Variants in PIK3C2G observed in about 807,000 individuals in gnomAD.
The protein encoded by PIK3C2G is phosphatidylinositol 3-kinase C2 domain-containing subunit gamma.
A neutral mutation model predicts 181.1 loss-of-function variants in PIK3C2G; 168 were observed. The ratio of observed to expected loss-of-function variants is 0.93; its 90% confidence interval spans 0.82 to 1.05. The LOEUF is 1.05. PIK3C2G is among the 50% of genes least tolerant of loss of function. The probability of loss-of-function intolerance (pLI) is 0.00; values close to 1 mark genes in which losing one functional copy is unlikely to be tolerated. For missense variants in PIK3C2G, 1,869 were observed against 1,732.8 expected (o/e 1.08, Z -1.40); for synonymous variants, 573 against 592.2 (o/e 0.97, Z 0.47).
intron 18 of PIK3C2G, among the ~76,000 whole-genome samples, chr12:18,469,324 G>A (rs1165746137): frequency 1.3e-5 from 2 of 151,982 alleles, no homozygotes; most frequent in Admixed American, 6.6e-5. Flanking sequence ...CAAAGCTTTC[G>A]ACTCTGCTTA....
intron 6 of PIK3C2G, chr12:18,314,410 TG>T (rs1950772851): frequency 5.7e-6 from 1 of 175,502 alleles, no homozygotes; most frequent in African/African-American, 2.4e-5. Context: ...AGAGCCCTTA[TG>T]ATGAGGTGGT....
chr12:18,607,093 A>C lies in PIK3C2G; in HGVS notation c.4088-2442A>C, dbSNP rs576552409. 8.6e-5 allele frequency: 40 copies of C among 464,620 alleles called. No homozygotes were observed. The East Asian group carries it at 2.0e-3, about 23-fold the overall frequency. 28.8% of individuals were successfully genotyped at this position (464,620 alleles called of 1,614,324 possible). On this transcript the variant is annotated intron_variant, in intron 30 of 32. Transcript: ENST00000538779. Reference sequence around the variant, plus strand: ...AGACATATAAAATAATTACAATGTAACATTTCACGATAAGGGCTGTGCTAG... The same window carrying C: ...AGACATATAAAATAATTACAATGTACCATTTCACGATAAGGGCTGTGCTAG...
At chr12:18,335,471 G>C (rs1290927947) in intron 8 of PIK3C2G, among the ~76,000 whole-genome samples, 4 of 152,094 alleles carry the variant, frequency 2.6e-5, no homozygotes, top group Non-Finnish European at 4.4e-5. Context: ...GTGTGTGTGT[G>C]TGTATGTATG....
At chr12:18,522,712 A>T (rs528681941) in intron 24 of PIK3C2G, among the ~76,000 whole-genome samples, 3 of 151,742 alleles carry the variant, frequency 2.0e-5, no homozygotes, top group Admixed American at 1.3e-4. Context: ...TGTCTTGGGG[A>T]TTTCCTCTTT....
chr12:18,640,374 T>C, intron 31 of PIK3C2G, 55 bp from the exon 32 acceptor site: 1 of 1,514,742 alleles, frequency 6.6e-7, no homozygotes, highest in East Asian at 2.3e-5. Flanking sequence ...TAGCTCTGTA[T>C]TTGTTTTCTT....
intron 23 of PIK3C2G, among the ~76,000 whole-genome samples, chr12:18,504,369 G>T (rs753881961): frequency 6.6e-6 from 1 of 152,120 alleles, no homozygotes; most frequent in Non-Finnish European, 1.5e-5. Context: ...TTGTGGTTAC[G>T]TTATTTCCAA....
At chr12:18,248,657 G>C (rs1325550653) in intron 1 of PIK3C2G, among the ~76,000 whole-genome samples, 2 of 152,056 alleles carry the variant, frequency 1.3e-5, no homozygotes, top group Admixed American at 1.3e-4. Context: ...ACTAACCAAT[G>C]CTCCTTAAGA....
At chr12:18,443,244 G>A (rs1235706303) in intron 18 of PIK3C2G, among the ~76,000 whole-genome samples, 3 of 152,096 alleles carry the variant, frequency 2.0e-5, no homozygotes, top group Non-Finnish European at 4.4e-5. Flanking sequence ...AATAGAATTA[G>A]CATTCAGAAA....
the PIK3C2G span, chr12:18,683,634 G>T: frequency 7.3e-7 from 1 of 1,379,238 alleles, no homozygotes. Context: ...CTCAGATGCT[G>T]TTAGAAAAGT....
the PIK3C2G span, among the ~76,000 whole-genome samples, chr12:18,711,119 GA>G: frequency 1.3e-5 from 2 of 151,846 alleles, no homozygotes; most frequent in Admixed American, 6.6e-5. Context: ...CAATAGCAAA[GA>G]ATTGGAACCA....
chr12:18,399,019 C>T lies in PIK3C2G; in HGVS notation c.2127-640C>T, dbSNP rs982878365. Among the ~76,000 whole-genome samples the T allele has an allele frequency of 2.0e-5, 3 of 150,580 alleles. No homozygotes were observed. In the South Asian group the frequency reaches 6.3e-4, roughly 32 times the overall value. ...GACCATCCCGGCTAAAACGGTGAAA[C>T]CCCGTCTCTACTAAAAATACAAAAA... On this transcript the variant is annotated intron_variant, in intron 15 of 32. Coordinates refer to ENST00000538779, the MANE Select transcript of PIK3C2G (RefSeq NM_001288772.2).
At chr12:18,545,502 G>A (rs1944375155) in intron 25 of PIK3C2G, among the ~76,000 whole-genome samples, 1 of 150,972 alleles carries the variant, frequency 6.6e-6, no homozygotes, top group Non-Finnish European at 1.5e-5. Context: ...GCTGATAACA[G>A]TCTTCATTTT....
intron 31 of PIK3C2G, among the ~76,000 whole-genome samples, chr12:18,640,078 A>G (rs2136791035): frequency 6.6e-6 from 1 of 151,736 alleles, no homozygotes; most frequent in South Asian, 2.1e-4. Context: ...ACATCCTGAC[A>G]CTCATATTTT....
intron 24 of PIK3C2G, among the ~76,000 whole-genome samples, chr12:18,528,103 TG>T (rs1280439123): frequency 6.6e-6 from 1 of 152,176 alleles, no homozygotes; most frequent in Non-Finnish European, 1.5e-5. Flanking sequence ...ATATTGTACA[TG>T]TGAGGTTTTC....
At chr12:18,450,741 T>C (rs983890353) in intron 18 of PIK3C2G, among the ~76,000 whole-genome samples, 3 of 152,178 alleles carry the variant, frequency 2.0e-5, no homozygotes, top group Admixed American at 2.0e-4. Context: ...CCATCTTGAG[T>C]TAATTTTTGT....
At chr12:18,542,433 G>A (rs772594778) in intron 25 of PIK3C2G, among the ~76,000 whole-genome samples, 2 of 151,620 alleles carry the variant, frequency 1.3e-5, no homozygotes, top group Non-Finnish European at 2.9e-5. Flanking sequence ...TAGATTCAGG[G>A]GTACATGTGA....
chr12:18,566,357 C>G (rs1945633216), intron 28 of PIK3C2G, among the ~76,000 whole-genome samples: 1 of 152,146 alleles, frequency 6.6e-6, no homozygotes, highest in Non-Finnish European at 1.5e-5. Context: ...AGATATGTTA[C>G]CAAATGCTAC....
At chr12:18,273,288 T>C (rs1036048353) in intron 1 of PIK3C2G, among the ~76,000 whole-genome samples, 7 of 152,306 alleles carry the variant, frequency 4.6e-5, no homozygotes, top group African/African-American at 9.6e-5. Context: ...GTTGTAGATA[T>C]ACGGCATTAT....
chr12:18,703,554 A>G, the PIK3C2G span, among the ~76,000 whole-genome samples: 2 of 152,202 alleles, frequency 1.3e-5, no homozygotes, highest in Non-Finnish European at 2.9e-5. Flanking sequence ...CCCTGACTAA[A>G]TGACCTTAGA....
Sources: allele counts gnomAD v4.1 joint callset (sites outside exome capture counted in the v4.1 genomes callset), GRCh38; gene constraint gnomAD v4.1.1; transcripts MANE v1.5; gene names NCBI Gene and HGNC (gene_info 2026-07-23, HGNC 2026-07-21).